The following CCDC102B variants were observed in gnomAD, a reference collection of about 807,000 sequenced individuals.
CCDC102B encodes coiled-coil domain containing 102B, also known as coiled-coil domain-containing protein 102B.
CCDC102B carries 75 observed loss-of-function variants against 57.4 expected under a neutral mutation model. That is an observed-to-expected ratio of 1.31 (90% confidence interval 1.08 to 1.58). The LOEUF (loss-of-function observed/expected upper bound fraction) is 1.58, where lower values mean the gene tolerates loss of function less well. Among genes scored for constraint, CCDC102B ranks in the 40% most tolerant of loss-of-function variants. The pLI is 0.00. For missense variants in CCDC102B, 636 were observed against 582.6 expected (o/e 1.09, Z -0.94); for synonymous variants, 206 against 201.9 (o/e 1.02, Z -0.17).
intron 6 of CCDC102B, among the ~76,000 whole-genome samples, chr18:68,995,254 G>A (rs530941233): frequency 5.9e-5 from 9 of 152,280 alleles, no homozygotes; most frequent in African/African-American, 2.2e-4. Flanking sequence ...CAATGCTATA[G>A]AAAAGAAAAC....
chr18:69,007,151 T>G (rs2051372911), intron 6 of CCDC102B, among the ~76,000 whole-genome samples: 1 of 152,210 alleles, frequency 6.6e-6, no homozygotes, highest in Admixed American at 6.5e-5. Context: ...TTTAGACTGA[T>G]TTTTAAAACA....
At chr18:68,908,657 C>A (rs1012915278) in intron 6 of CCDC102B, 1 of 152,114 alleles carries the variant, frequency 6.6e-6, no homozygotes, top group African/African-American at 2.4e-5. Flanking sequence ...TTCTTAAAAA[C>A]ATAGCATTCA....
chr18:68,998,182 T>C (rs1044115102), intron 6 of CCDC102B, among the ~76,000 whole-genome samples: 3 of 151,964 alleles, frequency 2.0e-5, no homozygotes, highest in African/African-American at 7.2e-5. Context: ...AATGAGGGTA[T>C]TTTGTTTTAT....
chr18:68,726,271 G>A (rs541193597), intron 2 of CCDC102B, among the ~76,000 whole-genome samples: 1 of 152,030 alleles, frequency 6.6e-6, no homozygotes, highest in Admixed American at 6.6e-5. Context: ...GTACTAATTG[G>A]ATATGAAAAA....
At chr18:68,757,224 T>C (rs1156960879) in intron 2 of CCDC102B, among the ~76,000 whole-genome samples, 1 of 152,164 alleles carries the variant, frequency 6.6e-6, no homozygotes. Flanking sequence ...AATAAAGATA[T>C]GGTATTAGCT....
intron 4 of CCDC102B, among the ~76,000 whole-genome samples, chr18:68,857,956 A>G (rs779445978): frequency 5.3e-5 from 8 of 152,206 alleles, no homozygotes; most frequent in Non-Finnish European, 1.0e-4. Flanking sequence ...AGTTTAAGGT[A>G]TGATGAATGC....
chr18:68,880,263 C>T (rs1043925307), intron 5 of CCDC102B, among the ~76,000 whole-genome samples: 41 of 152,360 alleles, frequency 2.7e-4, no homozygotes, highest in Middle Eastern at 3.4e-3. Context: ...TTGCCCGGGG[C>T]CGGCAGGGCT....
At chr18:68,950,027 T>A (rs9949762) in intron 6 of CCDC102B, among the ~76,000 whole-genome samples, 43,923 of 152,006 alleles carry the variant, frequency 0.29, 7,358 homozygotes, top group African/African-American at 0.45. Context: ...TCAATTCATA[T>A]TTACATGAAT....
chr18:68,797,670 A>G (rs1009219684), upstream of CCDC102B, among the ~76,000 whole-genome samples: 2 of 151,734 alleles, frequency 1.3e-5, no homozygotes, highest in African/African-American at 4.8e-5. Flanking sequence ...ATCTAATGCA[A>G]ATCAGATTGG....
intron 7 of CCDC102B, among the ~76,000 whole-genome samples, chr18:69,038,103 T>G (rs2052342867): frequency 6.6e-6 from 1 of 151,982 alleles, no homozygotes; most frequent in Non-Finnish European, 1.5e-5. Context: ...TTTTGTGGTA[T>G]TTTTGTTTTT....
chr18:68,904,907 A>G (rs2040572717), intron 6 of CCDC102B, among the ~76,000 whole-genome samples: 1 of 152,198 alleles, frequency 6.6e-6, no homozygotes, highest in African/African-American at 2.4e-5. Context: ...ATGTTTTGCT[A>G]AAATCATGAA....
chr18:68,752,210 A>G (rs60228376), intron 2 of CCDC102B, among the ~76,000 whole-genome samples: 5,971 of 152,222 alleles, frequency 0.039, 300 homozygotes, highest in African/African-American at 0.12. Flanking sequence ...CAGTGAGCCA[A>G]GATCGCGCCA....
At chr18:68,919,108 T>C (rs2041180760) in intron 6 of CCDC102B, among the ~76,000 whole-genome samples, 1 of 152,000 alleles carries the variant, frequency 6.6e-6, no homozygotes. Context: ...ATCCCTTATA[T>C]CTATTTTGGA....
At chr18:68,857,329 A>G (rs5017661) in intron 4 of CCDC102B, among the ~76,000 whole-genome samples, 28,687 of 66,234 alleles carry the variant, frequency 0.43, 9,087 homozygotes, top group East Asian at 0.75. Context: ...TTATATATAT[A>G]AAATATATAT....
chr18:68,882,396 C>T (rs1201751779), intron 5 of CCDC102B, among the ~76,000 whole-genome samples: 1 of 152,158 alleles, frequency 6.6e-6, no homozygotes, highest in Non-Finnish European at 1.5e-5. Context: ...CCAGTGACAA[C>T]TGATAGTATT....
chr18:68,781,878 T>G (rs533334959), intron 2 of CCDC102B, among the ~76,000 whole-genome samples: 47 of 152,258 alleles, frequency 3.1e-4, no homozygotes, highest in Middle Eastern at 3.4e-3. Flanking sequence ...TTAATTTCAA[T>G]TTTTAAGATC....
intron 2 of CCDC102B, among the ~76,000 whole-genome samples, chr18:68,782,939 C>CATT (rs1355832556): frequency 6.6e-6 from 1 of 151,938 alleles, no homozygotes; most frequent in Non-Finnish European, 1.5e-5. Flanking sequence ...GAATGTATGC[C>CATT]ATTATTATTA....
intron 6 of CCDC102B, among the ~76,000 whole-genome samples, chr18:68,989,575 C>T (rs935090737): frequency 6.6e-6 from 1 of 152,172 alleles, no homozygotes; most frequent in Non-Finnish European, 1.5e-5. Context: ...AAATCCCGTC[C>T]CATCAATTAT....
chr18:68,945,320 G>A, intron 6 of CCDC102B, among the ~76,000 whole-genome samples: 1 of 152,070 alleles, frequency 6.6e-6, no homozygotes. Flanking sequence ...CATCTGCATT[G>A]TAAGTTCTCA....
Sources: allele counts gnomAD v4.1 joint callset (sites outside exome capture counted in the v4.1 genomes callset), GRCh38; gene constraint gnomAD v4.1.1; transcripts MANE v1.5; gene names NCBI Gene and HGNC (gene_info 2026-07-23, HGNC 2026-07-21).